PSPH: variants seen among roughly 807,000 people sequenced by gnomAD.
PSPH encodes L-3-phosphoserine phosphatase.
In PSPH, 16 loss-of-function variants were observed where a neutral mutation model predicts 23.4. That is an observed-to-expected ratio of 0.68 (90% CI 0.46 to 1.04). The LOEUF (loss-of-function observed/expected upper bound fraction) is 1.04. PSPH is among the 50% of genes least tolerant of loss of function. PSPH has a pLI of 0.00. For synonymous variants in PSPH, 68 were observed against 99.7 expected, an observed-to-expected ratio of 0.68 and a Z score of 1.89; for missense variants, 223 against 273.7, an observed-to-expected ratio of 0.81 and a Z score of 1.31.
At chr7:56,030,760 A>T (rs573806489) in intron 3 of PSPH, among the ~76,000 whole-genome samples, 1 of 152,040 alleles carries the variant, frequency 6.6e-6, no homozygotes, top group Non-Finnish European at 1.5e-5. Context: ...TTAGCCAGGC[A>T]TGGTGGTGGG....
intron 1 of PSPH, among the ~76,000 whole-genome samples, chr7:56,045,090 A>T (rs1175452550): frequency 6.6e-6 from 1 of 151,710 alleles, no homozygotes; most frequent in Admixed American, 6.6e-5. Flanking sequence ...AAAAAAAAAA[A>T]ATAGAATTCT....
intron 7 of PSPH, among the ~76,000 whole-genome samples, chr7:56,013,122 C>CATATGTGTGTATATATTTATAT: frequency 7.3e-6 from 1 of 136,400 alleles, no homozygotes; most frequent in Non-Finnish European, 1.6e-5. Context: ...TATTTATATA[C>CATATGTGTGTATATATTTATAT]ACACACATAT....
rs1331313127 is a variant in PSPH at position 56,028,733 on chromosome 7, C to T, written c.-20+3196G>A. Among the ~76,000 whole-genome samples, 9 of 152,178 alleles carry T rather than the reference C, an allele frequency of 5.9e-5. No individual in the cohort carries two copies. In the South Asian group the frequency reaches 8.3e-4, roughly 14 times the overall value. On this transcript the variant is annotated intron_variant, in intron 3 of 7. Transcript: ENST00000275605. ...GCTTGATTGGGCAGCAGAGCAAACT[C>T]GGCCACAGCTCCTTTTAGCTCTTCC... is the stretch of plus-strand genomic sequence containing the variant.
chr7:56,017,743 A>G (rs1380160497), intron 5 of PSPH, among the ~76,000 whole-genome samples: 14 of 98,882 alleles, frequency 1.4e-4, no homozygotes, highest in African/African-American at 2.3e-4. Context: ...TTTGAGATGG[A>G]GTCTCCCTCT....
At chr7:56,037,479 C>T (rs1193604020) in intron 1 of PSPH, among the ~76,000 whole-genome samples, 3 of 150,872 alleles carry the variant, frequency 2.0e-5, no homozygotes, top group Non-Finnish European at 4.4e-5. Context: ...AGTGCAGTGG[C>T]ACGATCATAG....
At chr7:56,018,203 G>A (rs112828773) in intron 5 of PSPH, among the ~76,000 whole-genome samples, 3 of 152,194 alleles carry the variant, frequency 2.0e-5, no homozygotes, top group African/African-American at 7.2e-5. Context: ...AATTAGCTGG[G>A]CATGTTGGCA....
At chr7:56,035,114 G>T (rs887146481) in intron 1 of PSPH, among the ~76,000 whole-genome samples, 3 of 152,118 alleles carry the variant, frequency 2.0e-5, no homozygotes, top group African/African-American at 7.2e-5. Context: ...GCTGAGGCAA[G>T]CGGATCACCT....
intron 1 of PSPH, among the ~76,000 whole-genome samples, chr7:56,042,768 G>C (rs1374235170): frequency 6.6e-6 from 1 of 151,988 alleles, no homozygotes; most frequent in Non-Finnish European, 1.5e-5. Context: ...AGGATCACTT[G>C]AGCCTAGGCG....
Position 56,041,209 on chromosome 7 carries a change from CTT to C in PSPH, c.-291-7105_-291-7104del, listed in dbSNP as rs1163943212. Among the ~76,000 whole-genome samples the C allele has an allele frequency of 3.3e-3, 435 of 130,374 alleles. No homozygotes were observed. The Middle Eastern group carries it at 0.037, about 11-fold the overall frequency. 85.5% of individuals were successfully genotyped at this position (130,374 alleles called of 152,430 possible). On this transcript the variant is annotated intron_variant, in intron 1 of 7. Coordinates refer to ENST00000275605, the MANE Select transcript of PSPH (RefSeq NM_004577.4). ...CAAGACTCTATCTCTCTCTCTCTCT[CTT>C]TTTTTTTTTTTTTTTTTTTGAGACA...
chr7:56,050,883 T>C (rs1793955549), intron 1 of PSPH, among the ~76,000 whole-genome samples: 1 of 151,948 alleles, frequency 6.6e-6, no homozygotes, highest in Non-Finnish European at 1.5e-5. Context: ...CGTTATTTAT[T>C]AAAAATAAAA....
intron 7 of PSPH, 26 bp from the exon 8 acceptor site, chr7:56,011,895 A>G (rs769137475): frequency 9.7e-6 from 15 of 1,541,716 alleles, no homozygotes; most frequent in Non-Finnish European, 1.3e-5. Flanking sequence ...AGAGAGAGAA[A>G]TGATTTTTAT....
rs889720197 is a variant in PSPH at position 56,033,990 on chromosome 7, G to A, written c.-175C>T. 6.6e-6 allele frequency: 1 copy of A among 152,502 alleles called. No homozygotes were observed. Among genetic ancestry groups the A allele is most frequent in the Non-Finnish European group, 1.5e-5 (1 of 68,286 alleles). The allele number at this position is 152,502 out of a possible 1,614,324, so 9.4% of individuals were successfully genotyped here. On this transcript the variant is annotated 5_prime_UTR_variant, in exon 2 of 8. Coordinates refer to ENST00000275605, the MANE Select transcript of PSPH (RefSeq NM_004577.4). ...TGTCCTGGGCCTCCGGGGCTCCTGCGGCTGCAACCTTCCGGCTGCAGGGGG... is the reference window on the plus strand; with the variant it reads ...TGTCCTGGGCCTCCGGGGCTCCTGCAGCTGCAACCTTCCGGCTGCAGGGGG...
chr7:56,044,760 C>T (rs746485230), intron 1 of PSPH, among the ~76,000 whole-genome samples: 5 of 151,530 alleles, frequency 3.3e-5, no homozygotes, highest in Admixed American at 2.0e-4. Context: ...ATGATTGTGC[C>T]GCTGCACTTT....
In PSPH at chr7:56,025,813, C is replaced by T. The variant is rs575776290; in HGVS notation, c.-19-4582G>A. ...TTCACCATGTTGCCCAGGCTGGTCTCGAATTCCTGACCTCAGGCAATCCAC... is the reference window on the plus strand; with the variant it reads ...TTCACCATGTTGCCCAGGCTGGTCTTGAATTCCTGACCTCAGGCAATCCAC... On this transcript the variant is annotated intron_variant, in intron 3 of 7. Coordinates refer to ENST00000275605, the MANE Select transcript of PSPH (RefSeq NM_004577.4). Among the ~76,000 whole-genome samples the T allele has an allele frequency of 7.9e-4, 120 of 152,264 alleles. No individual in the cohort carries two copies. In the Middle Eastern group the frequency reaches 0.014, roughly 17 times the overall value.
chr7:56,020,411 G>A (rs1048396863), intron 4 of PSPH, among the ~76,000 whole-genome samples: 5 of 152,026 alleles, frequency 3.3e-5, no homozygotes, highest in Non-Finnish European at 1.5e-5. Context: ...CGGATCACGA[G>A]GTCAGGAGTT....
At chr7:56,040,763 G>A (rs980447425) in intron 1 of PSPH, among the ~76,000 whole-genome samples, 10 of 151,896 alleles carry the variant, frequency 6.6e-5, no homozygotes, top group African/African-American at 2.4e-4. Flanking sequence ...AAGTTACATG[G>A]GAAGAGGCAC....
chr7:56,049,912 T>C (rs573297695), intron 1 of PSPH, among the ~76,000 whole-genome samples: 1 of 151,768 alleles, frequency 6.6e-6, no homozygotes, highest in Non-Finnish European at 1.5e-5. Context: ...GGCTGATGTA[T>C]TTTTACAGAG....
chr7:56,028,771 C>A (rs1790553559), intron 3 of PSPH, among the ~76,000 whole-genome samples: 1 of 151,920 alleles, frequency 6.6e-6, no homozygotes, highest in African/African-American at 2.4e-5. Flanking sequence ...TCCTGCTCTG[C>A]AAAATGGTGC....
At chr7:56,021,264 A>G in intron 3 of PSPH, 33 bp from the exon 4 acceptor site, 1 of 1,580,818 alleles carries the variant, frequency 6.3e-7, no homozygotes. Flanking sequence ...ATTTAAAGAC[A>G]TCAAATAAAA....
Sources: gnomAD v4.1 joint callset for allele counts (sites outside exome capture counted in the v4.1 genomes callset) on GRCh38, gnomAD v4.1.1 for gene constraint, MANE v1.5 for transcripts, NCBI Gene and HGNC (gene_info 2026-07-23, HGNC 2026-07-21) for gene names.